Variants in GALNT13 observed in about 807,000 individuals in gnomAD.
GALNT13 encodes the protein UDP-GalNAc:polypeptide N-acetylgalactosaminyltransferase 13.
In GALNT13, 28 loss-of-function variants were observed where a neutral mutation model predicts 64.2. The ratio of observed to expected loss-of-function variants is 0.44; its 90% CI spans 0.32 to 0.60. GALNT13 has a LOEUF of 0.60. Among genes scored for constraint, GALNT13 ranks in the 20% least tolerant of loss-of-function variants. The pLI is 0.05. For missense variants in GALNT13, 577 were observed against 669.8 expected (o/e 0.86, Z 1.53); for synonymous variants, 214 against 224.6 (o/e 0.95, Z 0.42).
At chr2:153,512,885 T>A in the GALNT13 span, among the ~76,000 whole-genome samples, 3 of 152,332 alleles carry the variant, frequency 2.0e-5, no homozygotes, top group Non-Finnish European at 4.4e-5. Context: ...TATTCCAATT[T>A]CATTTGAACA....
intron 9 of GALNT13, among the ~76,000 whole-genome samples, chr2:154,312,361 A>C (rs1295239008): frequency 1.3e-5 from 2 of 152,208 alleles, no homozygotes; most frequent in Non-Finnish European, 2.9e-5. Flanking sequence ...AGCAATGAAC[A>C]TCTTTTGCAA....
chr2:154,352,475 A>G (rs1346175274), intron 9 of GALNT13, among the ~76,000 whole-genome samples: 1 of 152,180 alleles, frequency 6.6e-6, no homozygotes, highest in Non-Finnish European at 1.5e-5. Flanking sequence ...CTGTTCATGC[A>G]TTGTCACATG....
the GALNT13 span, among the ~76,000 whole-genome samples, chr2:153,448,122 G>A: frequency 6.6e-6 from 1 of 152,118 alleles, no homozygotes; most frequent in Admixed American, 6.5e-5. Context: ...ATCTATGTTT[G>A]GATTGCATAT....
the GALNT13 span, among the ~76,000 whole-genome samples, chr2:153,328,804 A>G: frequency 6.6e-6 from 1 of 151,480 alleles, no homozygotes; most frequent in African/African-American, 2.4e-5. Flanking sequence ...CCCCTTTCCA[A>G]TGGAGTGAAT....
intron 11 of GALNT13, among the ~76,000 whole-genome samples, chr2:154,423,529 C>T (rs950931878): frequency 1.6e-4 from 24 of 152,330 alleles, no homozygotes; most frequent in African/African-American, 5.5e-4. Flanking sequence ...GTCCCACCAA[C>T]AGTGTAAAAG....
intron 3 of GALNT13, among the ~76,000 whole-genome samples, chr2:154,037,401 A>G (rs1698723340): frequency 6.6e-6 from 1 of 152,178 alleles, no homozygotes; most frequent in African/African-American, 2.4e-5. Context: ...TGGGTTTCCC[A>G]TACTGAACAG....
chr2:153,832,129 A>G, the GALNT13 span, among the ~76,000 whole-genome samples: 1 of 152,174 alleles, frequency 6.6e-6, no homozygotes, highest in Non-Finnish European at 1.5e-5. Flanking sequence ...TAATAGCATA[A>G]ATGAAGTCTA....
At chr2:153,951,021 T>G (rs541051399) in intron 3 of GALNT13, among the ~76,000 whole-genome samples, 1 of 152,198 alleles carries the variant, frequency 6.6e-6, no homozygotes, top group African/African-American at 2.4e-5. Context: ...AATGTAGTAT[T>G]TAAAAATATA....
chr2:153,512,191 G>C, the GALNT13 span, among the ~76,000 whole-genome samples: 1 of 152,190 alleles, frequency 6.6e-6, no homozygotes, highest in African/African-American at 2.4e-5. Flanking sequence ...CGGTTATTCA[G>C]ATCCAGATCT....
the GALNT13 span, among the ~76,000 whole-genome samples, chr2:153,346,190 C>G: frequency 6.6e-6 from 1 of 152,170 alleles, no homozygotes; most frequent in African/African-American, 2.4e-5. Context: ...TCCCAAAGTG[C>G]TGAGATTACA....
the GALNT13 span, among the ~76,000 whole-genome samples, chr2:153,761,040 T>C: frequency 6.6e-6 from 1 of 152,182 alleles, no homozygotes. Context: ...ATAGCTAACC[T>C]TGGTCTCTCT....
the GALNT13 span, among the ~76,000 whole-genome samples, chr2:153,401,652 G>A: frequency 6.6e-6 from 1 of 150,606 alleles, no homozygotes; most frequent in Non-Finnish European, 1.5e-5. Context: ...AGCTCTTCTT[G>A]TTGAATTGAT....
chr2:153,561,641 CTGTGTG>C, the GALNT13 span, among the ~76,000 whole-genome samples: 17 of 146,574 alleles, frequency 1.2e-4, no homozygotes, highest in South Asian at 4.4e-4. Flanking sequence ...GATGTTCAAC[CTGTGTG>C]TGTGTGTGTG....
At chr2:154,089,117 C>CT (rs1433276822) in intron 3 of GALNT13, among the ~76,000 whole-genome samples, 7 of 152,032 alleles carry the variant, frequency 4.6e-5, no homozygotes, top group Non-Finnish European at 1.0e-4. Flanking sequence ...TTCAGAGTGC[C>CT]TTCAAGTTTA....
chr2:153,133,699 A>G, the GALNT13 span, among the ~76,000 whole-genome samples: 2 of 152,104 alleles, frequency 1.3e-5, no homozygotes, highest in African/African-American at 4.8e-5. Context: ...ATTTAGGGCA[A>G]CACAACTTTC....
At chr2:154,287,234 G>A in intron 8 of GALNT13, 2 of 1,117,378 alleles carry the variant, frequency 1.8e-6, no homozygotes. Context: ...TCAGAAGAAG[G>A]CAGCCATCAT....
the GALNT13 span, among the ~76,000 whole-genome samples, chr2:153,552,505 A>G: frequency 2.6e-5 from 4 of 151,950 alleles, no homozygotes; most frequent in South Asian, 8.3e-4. Context: ...GGGTTTACAA[A>G]CATAGATGCA....
chr2:153,216,490 A>AT, the GALNT13 span, among the ~76,000 whole-genome samples: 3 of 151,850 alleles, frequency 2.0e-5, no homozygotes, highest in Admixed American at 6.6e-5. Flanking sequence ...TTTTGTAAAC[A>AT]TTTTTTTAAC....
chr2:153,953,823 C>G (rs1692373180), intron 3 of GALNT13, among the ~76,000 whole-genome samples: 1 of 152,094 alleles, frequency 6.6e-6, no homozygotes, highest in African/African-American at 2.4e-5. Flanking sequence ...ACTTTTGTCC[C>G]TCAGACCTCC....
Sources: allele counts gnomAD v4.1 joint callset (sites outside exome capture counted in the v4.1 genomes callset), GRCh38; gene constraint gnomAD v4.1.1; transcripts MANE v1.5; gene names NCBI Gene and HGNC (gene_info 2026-07-23, HGNC 2026-07-21).